Variants in GPC5 observed in about 807,000 individuals in gnomAD.
GPC5 encodes the protein glypican 5.
GPC5 carries 47 observed loss-of-function variants against 53.9 expected under a neutral mutation model. That is an observed-to-expected ratio of 0.87 (90% CI 0.69 to 1.11). The LOEUF is 1.11. Among genes scored for constraint, GPC5 ranks in the 50% most tolerant of loss-of-function variants. GPC5 has a pLI of 0.00. For missense variants in GPC5, 748 were observed against 713.1 expected (o/e 1.05, Z -0.56); for synonymous variants, 286 against 263.3 (o/e 1.09, Z -0.84).
chr13:91,867,126 A>G (rs2039093537), intron 5 of GPC5, among the ~76,000 whole-genome samples: 1 of 152,142 alleles, frequency 6.6e-6, no homozygotes, highest in African/African-American at 2.4e-5. Flanking sequence ...GAGGCAGGAG[A>G]ATCACTTGAA....
chr13:91,887,430 T>C (rs140357510), intron 5 of GPC5, among the ~76,000 whole-genome samples: 5 of 152,324 alleles, frequency 3.3e-5, no homozygotes, highest in African/African-American at 1.2e-4. Flanking sequence ...GGAGACATTT[T>C]CTCATTGTCC....
intron 1 of GPC5, among the ~76,000 whole-genome samples, chr13:91,440,253 T>C (rs1880321765): frequency 6.6e-6 from 1 of 152,138 alleles, no homozygotes; most frequent in Admixed American, 6.5e-5. Flanking sequence ...ATCCCACAGG[T>C]CCGTAAGGCT....
At chr13:92,427,533 TTACTC>T (rs1432093045) in intron 7 of GPC5, among the ~76,000 whole-genome samples, 1 of 151,874 alleles carries the variant, frequency 6.6e-6, no homozygotes, top group East Asian at 1.9e-4. Context: ...ACATGCCACG[TTACTC>T]TATTGCTTCT....
intron 7 of GPC5, among the ~76,000 whole-genome samples, chr13:92,385,588 C>G (rs1052034752): frequency 7.8e-6 from 1 of 128,596 alleles, no homozygotes; most frequent in Non-Finnish European, 1.6e-5. Context: ...ATAATATATA[C>G]GCATATATAC....
At chr13:91,905,756 T>C (rs2039546365) in intron 5 of GPC5, among the ~76,000 whole-genome samples, 1 of 152,148 alleles carries the variant, frequency 6.6e-6, no homozygotes, top group Admixed American at 6.6e-5. Context: ...TGTTTATGGA[T>C]AGTGCAATAC....
At chr13:92,033,574 C>G (rs1345381365) in intron 6 of GPC5, among the ~76,000 whole-genome samples, 1 of 152,170 alleles carries the variant, frequency 6.6e-6, no homozygotes, top group Non-Finnish European at 1.5e-5. Context: ...TACAATCAAT[C>G]TAATTTTCAG....
At chr13:91,717,982 AT>A (rs796540426) in intron 3 of GPC5, among the ~76,000 whole-genome samples, 1 of 152,192 alleles carries the variant, frequency 6.6e-6, no homozygotes, top group Non-Finnish European at 1.5e-5. Flanking sequence ...TCTAGTTATT[AT>A]TTTTAAAAAA....
intron 7 of GPC5, among the ~76,000 whole-genome samples, chr13:92,636,577 A>T (rs1758601002): frequency 6.6e-6 from 1 of 152,162 alleles, no homozygotes; most frequent in Non-Finnish European, 1.5e-5. Flanking sequence ...ATGTTGTATT[A>T]AGTGCAGGTC....
At chr13:92,814,263 C>T (rs933068900) in intron 7 of GPC5, among the ~76,000 whole-genome samples, 1 of 151,876 alleles carries the variant, frequency 6.6e-6, no homozygotes, top group Admixed American at 6.6e-5. Flanking sequence ...ACAAAACTCC[C>T]AGAGGAAAAC....
intron 7 of GPC5, among the ~76,000 whole-genome samples, chr13:92,624,837 C>T (rs768553031): frequency 1.3e-5 from 2 of 152,190 alleles, no homozygotes; most frequent in African/African-American, 2.4e-5. Context: ...ATACACTTGG[C>T]TTTCCAGGGC....
chr13:91,672,807 C>T (rs1030127887), intron 2 of GPC5, among the ~76,000 whole-genome samples: 1 of 152,178 alleles, frequency 6.6e-6, no homozygotes, highest in South Asian at 2.1e-4. Context: ...GCACTATTTA[C>T]AATAGCAAAG....
intron 7 of GPC5, among the ~76,000 whole-genome samples, chr13:92,232,732 G>C (rs895416116): frequency 6.6e-6 from 1 of 152,078 alleles, no homozygotes; most frequent in Non-Finnish European, 1.5e-5. Context: ...TTCTAAGGTA[G>C]AAGTTTTTCA....
chr13:91,945,104 TGA>T (rs2039962551), intron 6 of GPC5, among the ~76,000 whole-genome samples: 1 of 152,242 alleles, frequency 6.6e-6, no homozygotes. Context: ...GTGCTTATGA[TGA>T]TCTATCTTGG....
intron 7 of GPC5, among the ~76,000 whole-genome samples, chr13:92,289,064 GTC>G (rs2042976060): frequency 6.8e-6 from 1 of 147,468 alleles, no homozygotes; most frequent in African/African-American, 2.6e-5. Flanking sequence ...TTCCATTTAT[GTC>G]AACAGGAGAA....
intron 7 of GPC5, chr13:92,448,050 G>A (rs1407257085): frequency 6.6e-6 from 1 of 152,020 alleles, no homozygotes; most frequent in African/African-American, 2.4e-5. Context: ...TTAAAAGGTG[G>A]TGATTGAAGA....
rs531314268 is a variant in GPC5 at position 91,410,637 on chromosome 13, C to T, written c.163+11428C>T. Among the ~76,000 whole-genome samples, 37 of 152,162 alleles carry T rather than the reference C, an allele frequency of 2.4e-4. 1 individual carries two copies. The East Asian group carries it at 3.7e-3, about 15-fold the overall frequency. On this transcript the variant is annotated intron_variant, in intron 1 of 7. Transcript: ENST00000377067. ...CTGGGATTACAGGCGTGAGCCACTA[C>T]GCCCGGCCTTCCTTCATCTTAATGG...
At chr13:92,527,205 GA>G (rs756742947) in intron 7 of GPC5, among the ~76,000 whole-genome samples, 267 of 25,870 alleles carry the variant, frequency 0.01, 18 homozygotes, top group Admixed American at 0.013. Context: ...AAGAAAGAAA[GA>G]AAGAAAGAAA....
At chr13:92,284,760 TTATG>T (rs2139174378) in intron 7 of GPC5, among the ~76,000 whole-genome samples, 1 of 152,208 alleles carries the variant, frequency 6.6e-6, no homozygotes, top group East Asian at 1.9e-4. Flanking sequence ...TAAGAGCTAT[TTATG>T]ACAAACTCAC....
intron 6 of GPC5, among the ~76,000 whole-genome samples, chr13:92,104,792 C>T (rs2041495178): frequency 6.6e-6 from 1 of 152,068 alleles, no homozygotes; most frequent in Non-Finnish European, 1.5e-5. Context: ...CTCAGAGGTC[C>T]TTACTGAGAG....
Sources: allele counts gnomAD v4.1 joint callset (sites outside exome capture counted in the v4.1 genomes callset), GRCh38; gene constraint gnomAD v4.1.1; transcripts MANE v1.5; gene names NCBI Gene and HGNC (gene_info 2026-07-23, HGNC 2026-07-21).